The following SURF4 variants were observed in gnomAD, a reference collection of about 807,000 sequenced individuals.
The protein encoded by SURF4 is surfeit locus protein 4.
A neutral mutation model predicts 30.0 loss-of-function variants in SURF4; 3 were observed. That is an observed-to-expected ratio of 0.10 (90% CI 0.05 to 0.26). The LOEUF is 0.26. Among genes scored for constraint, SURF4 ranks in the 10% least tolerant of loss-of-function variants. The pLI is 1.00. For missense variants in SURF4, 217 were observed against 350.8 expected (o/e 0.62, Z 3.05); for synonymous variants, 143 against 139.9 (o/e 1.02, Z -0.16).
chr9:133,376,153 C>G, upstream of SURF4: 1 of 1,211,222 alleles, frequency 8.3e-7, no homozygotes, highest in South Asian at 4.0e-5. Context: ...CCCGGGCCCG[C>G]CCCGGTGCGT....
intron 1 of SURF4, among the ~76,000 whole-genome samples, chr9:133,373,617 T>C (rs2130209985): frequency 3.4e-5 from 5 of 148,196 alleles, no homozygotes; most frequent in Non-Finnish European, 6.0e-5. Flanking sequence ...AAAAACATAA[T>C]AACAAAACAT....
At chr9:133,371,299 C>A (rs1312767358) in intron 1 of SURF4, among the ~76,000 whole-genome samples, 1 of 152,230 alleles carries the variant, frequency 6.6e-6, no homozygotes, top group African/African-American at 2.4e-5. Context: ...CAAGCACCTG[C>A]GGCCCAGCGG....
Position 133,375,982 on chromosome 9 carries a change from A to AGGCTC in SURF4, c.-18_-14dup, listed in dbSNP as rs2130243883. ...CGTTCTGGCCCATGGCGACGGCGGG[A>AGGCTC]GGCTCGGCTCGGCTCGCTCGCTCGC... On this transcript the variant is annotated 5_prime_UTR_variant, in exon 1 of 6. Coordinates refer to ENST00000371989, the MANE Select transcript of SURF4 (RefSeq NM_033161.4). 8.6e-5 allele frequency: 105 copies of AGGCTC among 1,227,286 alleles called. No homozygotes were observed. The highest frequency in any genetic ancestry group is 1.0e-4 in the Non-Finnish European group (99 of 981,776). 76.0% of individuals were successfully genotyped at this position (1,227,286 alleles called of 1,614,324 possible). A position where few individuals can be genotyped will look rare whatever the true frequency, so the allele number is the denominator to read the frequency against.
rs41297219 is a variant in SURF4, at chr9:133,363,175, C to A, written c.*318G>T. ...ACAGCTTGAAGGCCCCCTCCTGTAC[C>A]CCCACAAAAAAACTCAAAAATAGGA... On this transcript the variant is annotated 3_prime_UTR_variant, in exon 6 of 6. Coordinates refer to ENST00000371989, the MANE Select transcript of SURF4 (RefSeq NM_033161.4). This position sits in a 1 kb window ranked among gnomAD's most constrained non-coding sequence, Gnocchi z 4.3. The A allele has an allele frequency of 6.8e-6, 4 of 584,706 alleles. No homozygotes were observed. The highest frequency in any genetic ancestry group is 6.1e-6 in the Non-Finnish European group (2 of 327,092). The allele number at this position is 584,706 out of a possible 1,614,324, so 36.2% of individuals were successfully genotyped here.
In SURF4 at chr9:133,362,591, G is replaced by C. The variant is rs2130077059; in HGVS notation, c.*902C>G. 1.3e-5 allele frequency: 2 copies of C among 152,692 alleles called. No homozygotes were observed. Among genetic ancestry groups the C allele is most frequent in the African/African-American group, 2.4e-5 (1 of 41,422 alleles). 9.5% of individuals were successfully genotyped at this position (152,692 alleles called of 1,614,324 possible). A position where few individuals can be genotyped will look rare whatever the true frequency, so the allele number is the denominator to read the frequency against. On this transcript the variant is annotated 3_prime_UTR_variant, in exon 6 of 6. Coordinates refer to ENST00000371989, the MANE Select transcript of SURF4 (RefSeq NM_033161.4). ...CATGTGAGGTAACTGGGTTGAGTCC[G>C]TGGGTCTCCAGTGCTGGGAGCTCCT...
At chr9:133,375,554 G>C (rs2130238520) in intron 1 of SURF4, among the ~76,000 whole-genome samples, 5 of 152,212 alleles carry the variant, frequency 3.3e-5, no homozygotes, top group Non-Finnish European at 7.4e-5. Flanking sequence ...CCCCCCAGCA[G>C]CTCCAAACGC....
At chr9:133,367,486 G>A (rs200163714) in intron 1 of SURF4, 41 bp from the exon 2 acceptor site, 609 of 1,607,986 alleles carry the variant, frequency 3.8e-4, no homozygotes, top group Non-Finnish European at 4.6e-4. Context: ...TGGCTGCGGC[G>A]GGGAGCACCA....
upstream of SURF4, chr9:133,376,579 G>C (rs2130249679): frequency 6.4e-7 from 1 of 1,567,072 alleles, no homozygotes; most frequent in Non-Finnish European, 8.6e-7. Flanking sequence ...TGTTCCCTGC[G>C]GGGAGGCGGG....
At chr9:133,371,128 CTT>C in intron 1 of SURF4, 1 of 985,434 alleles carries the variant, frequency 1.0e-6, no homozygotes, top group South Asian at 4.7e-5. Context: ...GAAAACTCCA[CTT>C]TCTCTTCACA....
intron 4 of SURF4, 27 bp from the exon 5 acceptor site, chr9:133,365,053 G>A: frequency 6.7e-7 from 1 of 1,496,450 alleles, no homozygotes; most frequent in Non-Finnish European, 8.9e-7. Flanking sequence ...TGGGCTGGAA[G>A]CTAAGCCTCA....
intron 1 of SURF4, among the ~76,000 whole-genome samples, chr9:133,369,064 C>A (rs901381360): frequency 6.6e-6 from 1 of 152,226 alleles, no homozygotes; most frequent in Non-Finnish European, 1.5e-5. Context: ...TCAGTTACCA[C>A]GCCCCTGGGT....
Position 133,376,034 on chromosome 9 carries a change from G to C in SURF4, c.-65C>G. Reference sequence around the variant, plus strand: ...CGCTGGCTCTCGCCCGTCGGCGCCCGCACCCGCTGCGGCCTCCACAGGAAG... The same window carrying C: ...CGCTGGCTCTCGCCCGTCGGCGCCCCCACCCGCTGCGGCCTCCACAGGAAG... On this transcript the variant is annotated 5_prime_UTR_variant, in exon 1 of 6. Coordinates refer to ENST00000371989, the MANE Select transcript of SURF4 (RefSeq NM_033161.4). The C allele has an allele frequency of 2.5e-6, 3 of 1,197,038 alleles. No homozygotes were observed. Among genetic ancestry groups the C allele is most frequent in the Non-Finnish European group, 3.1e-6 (3 of 965,330 alleles). The allele number at this position is 1,197,038 out of a possible 1,614,324, so 74.2% of individuals were successfully genotyped here. A position where few individuals can be genotyped will look rare whatever the true frequency, so the allele number is the denominator to read the frequency against.
rs1422380302 is a variant in SURF4, at chr9:133,375,830, G to A, written c.48+92C>T. 24 of 1,177,360 alleles carry A rather than the reference G, an allele frequency of 2.0e-5. No homozygotes were observed. In the East Asian group the frequency reaches 3.8e-4, roughly 19 times the overall value. 72.9% of individuals were successfully genotyped at this position (1,177,360 alleles called of 1,614,324 possible). On this transcript the variant is annotated intron_variant, in intron 1 of 5. Coordinates refer to ENST00000371989, the MANE Select transcript of SURF4 (RefSeq NM_033161.4). Reference sequence around the variant, plus strand: ...GAACAAGGAGTCAGGGGGCGGCCCGGGCCTGGCGCCCTGCGCTGGGAGGCC... The same window carrying A: ...GAACAAGGAGTCAGGGGGCGGCCCGAGCCTGGCGCCCTGCGCTGGGAGGCC...
Position 133,366,581 on chromosome 9 carries a change from A to G in SURF4, c.312+18T>C. Reference sequence around the variant, plus strand: ...CCAGAGCAAAGAGAAGGGAGCCCCGACCACGCGGCCCGTGTACCTGCAGAG... The same window carrying G: ...CCAGAGCAAAGAGAAGGGAGCCCCGGCCACGCGGCCCGTGTACCTGCAGAG... On this transcript the variant is annotated intron_variant, in intron 3 of 5. Coordinates refer to ENST00000371989, the MANE Select transcript of SURF4 (RefSeq NM_033161.4). The G allele has an allele frequency of 6.2e-7, 1 of 1,613,502 alleles. No individual in the cohort carries two copies. Among genetic ancestry groups the G allele is most frequent in the Non-Finnish European group, 8.5e-7 (1 of 1,179,834 alleles).
Position 133,363,775 on chromosome 9 carries a change from CG to C in SURF4, c.544-17del. ...TCTGGACAATCTGCATAGGTTGAAACGTAAGAAATTCAAAATAAATGTGAGG... is the reference window on the plus strand; with the variant it reads ...TCTGGACAATCTGCATAGGTTGAAACTAAGAAATTCAAAATAAATGTGAGG... On this transcript the variant is annotated splice_polypyrimidine_tract_variant and intron_variant, in intron 5 of 5. Coordinates refer to ENST00000371989, the MANE Select transcript of SURF4 (RefSeq NM_033161.4). The surrounding 1 kb of genome is among the most constrained non-coding windows in gnomAD (Gnocchi z 4.3). The C allele has an allele frequency of 6.2e-7, 1 of 1,613,280 alleles. No individual in the cohort carries two copies.
chr9:133,376,735 C>G (rs1346013188), upstream of SURF4, among the ~76,000 whole-genome samples: 1 of 152,222 alleles, frequency 6.6e-6, no homozygotes, highest in Non-Finnish European at 1.5e-5. Context: ...CCTGGGTGCC[C>G]TTTGCCACTC....
At position 133,362,507 on chromosome 9, in the gene SURF4, G is replaced by C. The variant is rs2130075703; in HGVS notation, c.*986C>G. 1.3e-5 allele frequency: 2 copies of C among 152,858 alleles called. No individual in the cohort carries two copies. Among genetic ancestry groups the C allele is most frequent in the African/African-American group, 4.8e-5 (2 of 41,582 alleles). The allele number at this position is 152,858 out of a possible 1,614,324, so 9.5% of individuals were successfully genotyped here. On this transcript the variant is annotated 3_prime_UTR_variant, in exon 6 of 6. Coordinates refer to ENST00000371989, the MANE Select transcript of SURF4 (RefSeq NM_033161.4). The stretch of plus-strand genomic sequence containing the variant: ...CCACAGGGCGAGTGCAGCTGGGAAA[G>C]GGCGGTGCTGCTCAGCCAGGGCGGC...
chr9:133,368,982 A>G (rs2130165242), intron 1 of SURF4, among the ~76,000 whole-genome samples: 8,853 of 152,296 alleles, frequency 0.058, 340 homozygotes, highest in Non-Finnish European at 0.087. Context: ...AAAGGAAGAT[A>G]TGCGTGTTTC....
chr9:133,368,523 T>C (rs2130160115), intron 1 of SURF4, among the ~76,000 whole-genome samples: 14 of 152,260 alleles, frequency 9.2e-5, no homozygotes, highest in Non-Finnish European at 1.9e-4. Context: ...CGCTGGGATT[T>C]TGTCAAAGCC....
Sources: allele counts gnomAD v4.1 joint callset (sites outside exome capture counted in the v4.1 genomes callset), GRCh38; gene constraint gnomAD v4.1.1; non-coding constraint Gnocchi (gnomAD v3.1); transcripts MANE v1.5; gene names NCBI Gene and HGNC (gene_info 2026-07-23, HGNC 2026-07-21).